Variants in SCEL observed in about 807,000 individuals in gnomAD.
SCEL encodes sciellin.
SCEL carries 113 observed loss-of-function variants against 117.6 expected under a neutral mutation model. That is an observed-to-expected ratio of 0.96 (90% CI 0.83 to 1.12). The LOEUF is 1.12. SCEL is among the 50% of genes most tolerant of loss of function. The pLI is 0.00. For synonymous variants in SCEL, 270 were observed against 256.2 expected (o/e 1.05, Z -0.51); for missense variants, 785 against 810.8 (o/e 0.97, Z 0.39).
chr13:77,556,054 C>A, intron 2 of SCEL, 136 bp downstream of exon 2: 1 of 549,970 alleles, frequency 1.8e-6, no homozygotes, highest in Non-Finnish European at 3.1e-6. Flanking sequence ...CAAAGTTAGG[C>A]TTAAGAAAAA....
intron 13 of SCEL, 55 bp downstream of exon 13, chr13:77,597,644 A>G: frequency 9.9e-7 from 1 of 1,005,646 alleles, no homozygotes. Context: ...GTGACTTTTT[A>G]TGCCTTTCCA....
intron 15 of SCEL, 119 bp downstream of exon 15, chr13:77,599,867 G>T (rs1021801557): frequency 1.2e-5 from 9 of 728,614 alleles, no homozygotes; most frequent in Non-Finnish European, 2.2e-5. Context: ...CCTTAGACTG[G>T]GGTCCAGGGA....
intron 10 of SCEL, among the ~76,000 whole-genome samples, chr13:77,590,595 A>G (rs2154400057): frequency 6.6e-6 from 1 of 152,218 alleles, no homozygotes; most frequent in South Asian, 2.1e-4. Flanking sequence ...TTAAATTTAA[A>G]GGAAGCTAAA....
At chr13:77,560,403 C>T (rs1384346097) in intron 4 of SCEL, among the ~76,000 whole-genome samples, 1 of 152,108 alleles carries the variant, frequency 6.6e-6, no homozygotes, top group Non-Finnish European at 1.5e-5. Flanking sequence ...CTCCATTGTA[C>T]TCCAGCCTGG....
Position 77,634,392 on chromosome 13 carries a change from G to A in SCEL, c.1705G>A (p.Ala569Thr). 8.7e-6 allele frequency: 14 copies of A among 1,613,368 alleles called. No individual in the cohort carries two copies. The highest frequency in any genetic ancestry group is 1.3e-5 in the African/African-American group (1 of 75,016). Residue 569 changes from alanine to threonine, a missense_variant, in exon 29 of 33, where the codon GCC becomes ACC. Coordinates refer to ENST00000349847, the MANE Select transcript of SCEL (RefSeq NM_144777.3). Reference sequence around the variant, plus strand: ...TTTGTTTTGCAGCTCTAACACTGGAGCCAAGCAGGCAGGACCACAGGATAC... The same window carrying A: ...TTTGTTTTGCAGCTCTAACACTGGAACCAAGCAGGCAGGACCACAGGATAC... Reference protein sequence around the residue: ...ENKNGSSNTGAKQAGPQDTVV... With the variant: ...ENKNGSSNTGTKQAGPQDTVV...
In SCEL at chr13:77,591,377, C is replaced by A; in HGVS notation, c.627-18C>A. The stretch of plus-strand genomic sequence containing the variant: ...TTTCTTTTCTGACTGATATAATCTT[C>A]TAACTTTGAAAATATAGGCAGATAC... On this transcript the variant is annotated intron_variant, in intron 10 of 32. Coordinates refer to ENST00000349847, the MANE Select transcript of SCEL (RefSeq NM_144777.3). 1 of 1,481,602 alleles carries A rather than the reference C, an allele frequency of 6.7e-7. No individual in the cohort carries two copies. Among genetic ancestry groups the A allele is most frequent in the Non-Finnish European group, 9.4e-7 (1 of 1,066,682 alleles). The allele number at this position is 1,481,602 out of a possible 1,614,324, so 91.8% of individuals were successfully genotyped here.
intron 1 of SCEL, among the ~76,000 whole-genome samples, chr13:77,555,083 A>G (rs1026853804): frequency 1.8e-4 from 28 of 152,224 alleles, no homozygotes; most frequent in African/African-American, 6.8e-4. Flanking sequence ...GATTATATTC[A>G]TACTAACATA....
intron 12 of SCEL, among the ~76,000 whole-genome samples, chr13:77,595,463 A>G (rs753393664): frequency 2.6e-5 from 4 of 152,194 alleles, no homozygotes; most frequent in Non-Finnish European, 5.9e-5. Flanking sequence ...TAAGTTTTTT[A>G]TTTGGAATAC....
chr13:77,544,869 C>T (rs1364975786), intron 1 of SCEL, among the ~76,000 whole-genome samples: 1 of 152,144 alleles, frequency 6.6e-6, no homozygotes, highest in Admixed American at 6.5e-5. Context: ...TCATGTAAAA[C>T]CTAAAGACAA....
At chr13:77,571,715 A>T (rs1194473732) in intron 8 of SCEL, among the ~76,000 whole-genome samples, 1 of 148,856 alleles carries the variant, frequency 6.7e-6, no homozygotes, top group Non-Finnish European at 1.5e-5. Flanking sequence ...AATAAAACAT[A>T]TATATATATA....
chr13:77,625,403 T>C (rs1447886480), intron 27 of SCEL, among the ~76,000 whole-genome samples: 1 of 152,186 alleles, frequency 6.6e-6, no homozygotes, highest in African/African-American at 2.4e-5. Context: ...TTGCAGGATT[T>C]ATGCTGGGAG....
chr13:77,597,996 C>G lies in SCEL; in HGVS notation c.797+407C>G, dbSNP rs558136201. Among the ~76,000 whole-genome samples, 5 of 150,304 alleles carry G rather than the reference C, an allele frequency of 3.3e-5. No homozygotes were observed. In the East Asian group the frequency reaches 7.7e-4, roughly 23 times the overall value. ...TTATTTTTTGAGACAGAGTCTTACT[C>G]TCTTACCCAGGCTGGAGTGCAGTGG... On this transcript the variant is annotated intron_variant, in intron 13 of 32. Coordinates refer to ENST00000349847, the MANE Select transcript of SCEL (RefSeq NM_144777.3).
At chr13:77,549,199 T>G (rs577447658) in intron 1 of SCEL, among the ~76,000 whole-genome samples, 1 of 152,350 alleles carries the variant, frequency 6.6e-6, no homozygotes, top group African/African-American at 2.4e-5. Flanking sequence ...GAGTTCTCTT[T>G]TCTCTGCATC....
chr13:77,571,712 C>CATATAT (rs35655886), intron 8 of SCEL, among the ~76,000 whole-genome samples: 2,440 of 145,072 alleles, frequency 0.017, 53 homozygotes, highest in African/African-American at 0.056. Context: ...AAAAATAAAA[C>CATATAT]ATATATATAT....
At chr13:77,631,319 G>A (rs1260183194) in intron 28 of SCEL, among the ~76,000 whole-genome samples, 1 of 152,048 alleles carries the variant, frequency 6.6e-6, no homozygotes, top group African/African-American at 2.4e-5. Context: ...TACATTTTTT[G>A]TTGTAAAATC....
At chr13:77,604,502 T>C (rs762956696) in intron 19 of SCEL, 87 bp downstream of exon 19, 6 of 1,117,314 alleles carry the variant, frequency 5.4e-6, no homozygotes, top group Non-Finnish European at 7.5e-6. Flanking sequence ...GGACAGTAAA[T>C]TGGAATTCAG....
At chr13:77,596,564 C>G (rs1015481177) in intron 12 of SCEL, among the ~76,000 whole-genome samples, 1 of 152,112 alleles carries the variant, frequency 6.6e-6, no homozygotes, top group African/African-American at 2.4e-5. Flanking sequence ...CACCCAGATT[C>G]ACCAATGAAT....
At chr13:77,611,539 C>T (rs547226834) in intron 22 of SCEL, among the ~76,000 whole-genome samples, 5 of 152,162 alleles carry the variant, frequency 3.3e-5, no homozygotes, top group East Asian at 1.9e-4. Context: ...TTCCCTCTCC[C>T]GAGATGACTT....
chr13:77,559,946 A>G, intron 4 of SCEL, 83 bp downstream of exon 4: 1 of 1,156,980 alleles, frequency 8.6e-7, no homozygotes, highest in South Asian at 1.3e-5. Context: ...ACAGCTGAAT[A>G]TTTGCAGCAT....
Sources: allele counts gnomAD v4.1 joint callset (sites outside exome capture counted in the v4.1 genomes callset), GRCh38; gene constraint gnomAD v4.1.1; transcripts MANE v1.5; gene names NCBI Gene and HGNC (gene_info 2026-07-23, HGNC 2026-07-21).